FRY: variants seen among roughly 807,000 people sequenced by gnomAD.
FRY encodes the protein protein furry homolog.
FRY carries 128 observed loss-of-function variants against 348.4 expected under a neutral mutation model. That is an observed-to-expected ratio of 0.37 (90% CI 0.32 to 0.43). FRY has a LOEUF of 0.43. Among genes scored for constraint, FRY ranks in the 20% least tolerant of loss-of-function variants. FRY has a pLI of 1.00. For missense variants in FRY, 2,736 were observed against 3,695.2 expected (o/e 0.74, Z 6.73); for synonymous variants, 1,370 against 1,374.7 (o/e 1.00, Z 0.08).
intron 4 of FRY, among the ~76,000 whole-genome samples, chr13:32,119,388 C>T (rs183237874): frequency 4.7e-4 from 72 of 152,312 alleles, no homozygotes; most frequent in African/African-American, 1.7e-3. Context: ...ATGTCTCTGG[C>T]TCCTGGCAGT....
At chr13:32,273,942 G>T (rs1380669346) in intron 55 of FRY, among the ~76,000 whole-genome samples, 2 of 152,170 alleles carry the variant, frequency 1.3e-5, no homozygotes, top group Non-Finnish European at 2.9e-5. Flanking sequence ...AACTTTTTGA[G>T]TGCCAATGTG....
At chr13:32,216,947 A>G (rs917981725) in intron 35 of FRY, among the ~76,000 whole-genome samples, 3 of 152,250 alleles carry the variant, frequency 2.0e-5, no homozygotes, top group African/African-American at 7.2e-5. Context: ...AATGAAACCA[A>G]GCTCATTACA....
In FRY at chr13:32,124,328, C is replaced by G; in HGVS notation, c.507C>G (p.Leu169=). 1 of 1,601,520 alleles carries G rather than the reference C, an allele frequency of 6.2e-7. No homozygotes were observed. The highest frequency in any genetic ancestry group is 8.6e-7 in the Non-Finnish European group (1 of 1,169,080). The change falls in exon 5 of 61, where the codon CTC becomes CTG. Residue 169 remains leucine (L), a synonymous_variant. Coordinates refer to ENST00000542859, the MANE Select transcript of FRY (RefSeq NM_023037.3). The part of the protein sequence containing the change: ...QRDYLMERRD[L]AIDFIFSLVL... ...ATTATTTAATGGAAAGACGGGACCTCGCCATTGATTTTATTTTTTCTTTAG... is the reference window on the plus strand; with the variant it reads ...ATTATTTAATGGAAAGACGGGACCTGGCCATTGATTTTATTTTTTCTTTAG...
At chr13:32,071,348 T>C (rs1186231231) in intron 1 of FRY, among the ~76,000 whole-genome samples, 1 of 152,232 alleles carries the variant, frequency 6.6e-6, no homozygotes, top group African/African-American at 2.4e-5. Flanking sequence ...TCCATGTGCA[T>C]TGAATGTTCT....
At chr13:32,119,381 T>C (rs1206246682) in intron 4 of FRY, among the ~76,000 whole-genome samples, 2 of 152,246 alleles carry the variant, frequency 1.3e-5, no homozygotes, top group African/African-American at 4.8e-5. Context: ...CTGTCAAATG[T>C]CTCTGGCTCC....
At chr13:32,243,286 T>C (rs1010506112) in intron 46 of FRY, among the ~76,000 whole-genome samples, 4 of 152,092 alleles carry the variant, frequency 2.6e-5, no homozygotes, top group Non-Finnish European at 5.9e-5. Context: ...TACAGTTTGC[T>C]GTTAACTTAT....
intron 15 of FRY, among the ~76,000 whole-genome samples, chr13:32,155,914 A>G (rs904854710): frequency 1.3e-5 from 2 of 152,326 alleles, no homozygotes; most frequent in East Asian, 3.9e-4. Context: ...AAAGCCTCTA[A>G]TAATGATTAC....
chr13:32,206,970 G>A (rs1440767508), intron 31 of FRY, among the ~76,000 whole-genome samples: 1 of 152,010 alleles, frequency 6.6e-6, no homozygotes, highest in Non-Finnish European at 1.5e-5. Flanking sequence ...GTGAATAGAG[G>A]GCTATTTGCA....
chr13:32,200,745 A>G (rs1246394341), intron 29 of FRY, among the ~76,000 whole-genome samples: 2 of 152,194 alleles, frequency 1.3e-5, no homozygotes, highest in Non-Finnish European at 2.9e-5. Context: ...TCTCTATTCT[A>G]TATGGTTATA....
intron 3 of FRY, among the ~76,000 whole-genome samples, chr13:32,116,599 T>G (rs1230231866): frequency 6.6e-6 from 1 of 152,178 alleles, no homozygotes; most frequent in African/African-American, 2.4e-5. Context: ...TATTTTTAGG[T>G]TTTATACTTA....
At chr13:32,238,621 T>C (rs1009209908) in intron 44 of FRY, among the ~76,000 whole-genome samples, 4 of 152,044 alleles carry the variant, frequency 2.6e-5, no homozygotes, top group African/African-American at 9.7e-5. Flanking sequence ...CCAGCTAAGT[T>C]TTGTATTTTT....
chr13:32,201,201 T>A (rs1884005933), intron 29 of FRY, among the ~76,000 whole-genome samples: 1 of 152,236 alleles, frequency 6.6e-6, no homozygotes, highest in African/African-American at 2.4e-5. Flanking sequence ...ATTCTTGTAA[T>A]CTTTCAAAAT....
chr13:32,187,497 A>G (rs1198696399), intron 27 of FRY, 49 bp from the exon 28 acceptor site: 1 of 1,062,602 alleles, frequency 9.4e-7, no homozygotes, highest in South Asian at 1.2e-5. Context: ...GGATACCATT[A>G]GATCATTCCA....
intron 47 of FRY, among the ~76,000 whole-genome samples, chr13:32,246,530 G>A (rs1475261332): frequency 6.6e-6 from 1 of 152,236 alleles, no homozygotes; most frequent in Admixed American, 6.5e-5. Flanking sequence ...CAGCCTGGGG[G>A]AGATGACCCT....
intron 31 of FRY, 21 bp downstream of exon 31, chr13:32,202,548 A>G: frequency 6.4e-7 from 1 of 1,566,764 alleles, no homozygotes; most frequent in South Asian, 1.1e-5. Flanking sequence ...ATAGTCAATA[A>G]TGACATATGT....
At chr13:32,072,376 T>C (rs1385941806) in intron 1 of FRY, among the ~76,000 whole-genome samples, 1 of 152,244 alleles carries the variant, frequency 6.6e-6, no homozygotes, top group Non-Finnish European at 1.5e-5. Flanking sequence ...TAAGTAATTA[T>C]TTAAGAATCA....
intron 3 of FRY, among the ~76,000 whole-genome samples, chr13:32,107,094 C>T (rs191327261): frequency 2.0e-5 from 3 of 152,360 alleles, no homozygotes; most frequent in East Asian, 1.9e-4. Flanking sequence ...TAATGGCTCA[C>T]GCCTATAATC....
At chr13:32,083,640 T>C (rs1408163467) in intron 2 of FRY, among the ~76,000 whole-genome samples, 2 of 152,218 alleles carry the variant, frequency 1.3e-5, no homozygotes, top group African/African-American at 4.8e-5. Flanking sequence ...TCTGGTTACT[T>C]TCTGCACCTA....
chr13:32,273,548 A>T (rs1888328972), intron 55 of FRY, among the ~76,000 whole-genome samples: 1 of 152,116 alleles, frequency 6.6e-6, no homozygotes, highest in Non-Finnish European at 1.5e-5. Context: ...CAGATTGTTC[A>T]TCCGGTGATG....
Sources: gnomAD v4.1 joint callset for allele counts (sites outside exome capture counted in the v4.1 genomes callset) on GRCh38, gnomAD v4.1.1 for gene constraint, MANE v1.5 for transcripts, NCBI Gene and HGNC (gene_info 2026-07-23, HGNC 2026-07-21) for gene names.